TMC5: variants seen among roughly 807,000 people sequenced by gnomAD.
TMC5 encodes the protein transmembrane channel like 5.
A neutral mutation model predicts 110.5 loss-of-function variants in TMC5; 86 were observed. The observed-to-expected ratio is 0.78, with a 90% CI of 0.65 to 0.93. The LOEUF (loss-of-function observed/expected upper bound fraction) is 0.93, where lower values mean the gene tolerates loss of function less well. Among genes scored for constraint, TMC5 ranks in the 40% least tolerant of loss-of-function variants. TMC5 has a pLI of 0.00. For synonymous variants in TMC5, 455 were observed against 439.5 expected, an observed-to-expected ratio of 1.04 and a Z score of -0.44; for missense variants, 1,144 against 1,222.8, an observed-to-expected ratio of 0.94 and a Z score of 0.96.
At position 19,467,151 on chromosome 16, in the gene TMC5, A is replaced by AG. The variant is rs572866611; in HGVS notation, c.1637+918_1637+919insG. On this transcript the variant is annotated intron_variant, in intron 9 of 21. Transcript: ENST00000542583. ...ACTGGAGATCCTGTTTCAAAAAAAA[A>AG]AGAGAGAGAAAGAAAGAAAAGCAAC... Among the ~76,000 whole-genome samples, 59 of 152,114 alleles carry AG rather than the reference A, an allele frequency of 3.9e-4. No homozygotes were observed. In the East Asian group the frequency reaches 4.6e-3, roughly 12 times the overall value.
intron 2 of TMC5, among the ~76,000 whole-genome samples, chr16:19,434,079 T>A (rs1162664644): frequency 3.3e-4 from 5 of 14,962 alleles, no homozygotes; most frequent in African/African-American, 5.4e-4. Context: ...ATATTATATA[T>A]AATATATATA....
At chr16:19,455,523 A>G (rs1967846364) in intron 5 of TMC5, among the ~76,000 whole-genome samples, 3 of 152,240 alleles carry the variant, frequency 2.0e-5, no homozygotes, top group Non-Finnish European at 4.4e-5. Context: ...GATGCCCTCA[A>G]GGACTGAAGC....
chr16:19,419,299 C>CTGT (rs138192335), intron 1 of TMC5, among the ~76,000 whole-genome samples: 1 of 150,160 alleles, frequency 6.7e-6, no homozygotes, highest in Non-Finnish European at 1.5e-5. Context: ...ATGCTTATTA[C>CTGT]TGTTGTTGTT....
chr16:19,492,400 A>C, intron 19 of TMC5, 172 bp downstream of exon 19: 1 of 420,744 alleles, frequency 2.4e-6, no homozygotes, highest in Non-Finnish European at 4.2e-6. Context: ...CTTCCCAGCA[A>C]ATCCCTTATT....
In TMC5 at chr16:19,498,059, C is replaced by A. The variant is rs1336694601; in HGVS notation, c.*93C>A. ...TGCCACCTGTGCCTTTAGGAACTGC[C>A]CAGAAGAAAATCCAAGGCTTTAGCC... is the stretch of plus-strand genomic sequence containing the variant. On this transcript the variant is annotated 3_prime_UTR_variant, in exon 22 of 22. Coordinates refer to ENST00000542583, the MANE Select transcript of TMC5 (RefSeq NM_001261841.2). 1.6e-6 allele frequency: 2 copies of A among 1,279,174 alleles called. No homozygotes were observed. Among genetic ancestry groups the A allele is most frequent in the Non-Finnish European group, 2.3e-6 (2 of 879,480 alleles). The allele number at this position is 1,279,174 out of a possible 1,614,324, so 79.2% of individuals were successfully genotyped here. A position where few individuals can be genotyped will look rare whatever the true frequency, so the allele number is the denominator to read the frequency against.
chr16:19,442,481 A>C (rs922568893), intron 3 of TMC5, among the ~76,000 whole-genome samples: 1 of 152,062 alleles, frequency 6.6e-6, no homozygotes, highest in African/African-American at 2.4e-5. Context: ...GGCATGCACC[A>C]CCATGCCCAG....
chr16:19,438,042 C>T (rs1967386504), intron 2 of TMC5, among the ~76,000 whole-genome samples: 1 of 152,072 alleles, frequency 6.6e-6, no homozygotes, highest in African/African-American at 2.4e-5. Flanking sequence ...ATCACCTGGA[C>T]CAAGAGCGAG....
upstream of TMC5, among the ~76,000 whole-genome samples, chr16:19,417,185 G>A (rs1320968747): frequency 6.6e-6 from 1 of 151,558 alleles, no homozygotes; most frequent in Non-Finnish European, 1.5e-5. Context: ...TTTGGAGACC[G>A]AGATGGGTGG....
At chr16:19,456,560 G>C in intron 5 of TMC5, 2 of 1,433,112 alleles carry the variant, frequency 1.4e-6, no homozygotes, top group South Asian at 3.1e-5. Context: ...AGCTCATCCT[G>C]GCATTTTAAA....
At chr16:19,427,238 G>C (rs1967104443) in intron 1 of TMC5, among the ~76,000 whole-genome samples, 1 of 152,178 alleles carries the variant, frequency 6.6e-6, no homozygotes, top group Admixed American at 6.5e-5. Context: ...CGGATCACTT[G>C]AGGCCAAGAG....
At chr16:19,416,286 C>T (rs558404657), upstream of TMC5, among the ~76,000 whole-genome samples, 3 of 151,956 alleles carry the variant, frequency 2.0e-5, no homozygotes, top group South Asian at 6.2e-4. Flanking sequence ...ATGATACTCC[C>T]CCAAATGCAA....
rs1403107357 is a variant in TMC5 at position 19,474,122 on chromosome 16, C to A, written c.1939-3C>A. 6.2e-7 allele frequency: 1 copy of A among 1,612,982 alleles called. No individual in the cohort carries two copies. Among genetic ancestry groups the A allele is most frequent in the Non-Finnish European group, 8.5e-7 (1 of 1,179,694 alleles). On this transcript the variant is annotated splice_region_variant and splice_polypyrimidine_tract_variant and intron_variant, in intron 11 of 21. Transcript: ENST00000542583. ...CCTCCGTTCTCTCCCCCATCCCCTG[C>A]AGTTCCTGAAGACACACAGTAACCC...
chr16:19,457,533 G>A (rs1967909552), intron 5 of TMC5, among the ~76,000 whole-genome samples: 2 of 151,940 alleles, frequency 1.3e-5, no homozygotes, highest in Non-Finnish European at 2.9e-5. Flanking sequence ...TATGCCTTGT[G>A]CTCTGCAGAG....
rs139287037 is a variant in TMC5 at position 19,456,598 on chromosome 16, G to A, written c.1049-3637G>A. 2.1e-3 allele frequency: 3,130 copies of A among 1,498,854 alleles called. 7 individuals are homozygous for A. Among genetic ancestry groups the A allele is most frequent in the Middle Eastern group, 6.0e-3 (25 of 4,196 alleles). The allele number at this position is 1,498,854 out of a possible 1,614,324, so 92.8% of individuals were successfully genotyped here. A position where few individuals can be genotyped will look rare whatever the true frequency, so the allele number is the denominator to read the frequency against. On this transcript the variant is annotated intron_variant, in intron 5 of 21. Transcript: ENST00000542583. ...TAATGTGAATGGTGTATCCCTTTGT[G>A]ATCATCATCACTTTTTCCCTGCGAG...
At chr16:19,436,278 A>AAAAAAAAAAAAAG (rs769628493) in intron 2 of TMC5, among the ~76,000 whole-genome samples, 20 of 151,078 alleles carry the variant, frequency 1.3e-4, no homozygotes, top group Non-Finnish European at 2.8e-4. Context: ...AAAAAGAAAA[A>AAAAAAAAAAAAAG]AAAAAAGAAA....
chr16:19,424,197 G>A (rs1214460600), intron 1 of TMC5, among the ~76,000 whole-genome samples: 1 of 152,326 alleles, frequency 6.6e-6, no homozygotes, highest in East Asian at 1.9e-4. Flanking sequence ...CCAGCTGGCT[G>A]TAAAGTAGAA....
chr16:19,469,638 G>A (rs761513306), intron 9 of TMC5, 43 bp from the exon 10 acceptor site: 9 of 1,610,406 alleles, frequency 5.6e-6, no homozygotes, highest in South Asian at 3.3e-5. Flanking sequence ...TCCCAGTGAC[G>A]GCCATAATAA....
At chr16:19,494,114 C>T in intron 19 of TMC5, 148 bp from the exon 20 acceptor site, 1 of 639,426 alleles carries the variant, frequency 1.6e-6, no homozygotes, top group Admixed American at 2.7e-5. Context: ...TCTTTTCTTT[C>T]ACCAAAAGAT....
chr16:19,417,112 A>AAAAAAG (rs1421796008), upstream of TMC5, among the ~76,000 whole-genome samples: 2 of 149,628 alleles, frequency 1.3e-5, no homozygotes, highest in African/African-American at 4.9e-5. Flanking sequence ...AAAAAAAAAA[A>AAAAAAG]AAGAAGAAAA....
Sources: allele counts gnomAD v4.1 joint callset (sites outside exome capture counted in the v4.1 genomes callset), GRCh38; gene constraint gnomAD v4.1.1; transcripts MANE v1.5; gene names NCBI Gene and HGNC (gene_info 2026-07-23, HGNC 2026-07-21).